The following FAM174A variants were observed in gnomAD, a reference collection of about 807,000 sequenced individuals.
The protein encoded by FAM174A is family with sequence similarity 174 member A.
Under a neutral mutation model 14.3 loss-of-function variants are expected in FAM174A, and 14 were observed. The observed-to-expected ratio is 0.98, with a 90% CI of 0.65 to 1.53. The LOEUF is 1.53. FAM174A is among the 40% of genes most tolerant of loss of function. FAM174A has a pLI of 0.00. For synonymous variants in FAM174A, 108 were observed against 111.4 expected (o/e 0.97, Z 0.19); for missense variants, 241 against 249.6 (o/e 0.97, Z 0.23).
rs1745923859 is a variant in FAM174A at position 100,535,603 on chromosome 5, G to A, written c.73G>A (p.Glu25Lys). Residue 25 changes from glutamate (E) to lysine (K), a missense_variant, in exon 1 of 3, where the codon GAA becomes AAA. Physicochemically the swap from Glu to Lys is moderately conservative, Grantham distance 56. Coordinates refer to ENST00000312637, the MANE Select transcript of FAM174A (RefSeq NM_198507.3). ...CGTCCTCCTCCTGCTGTTGCTGCCT[G>A]AACTAAGCGGGCCCCTGGCAGTCCT... ...ASVLLLLLLP[E>K]LSGPLAVLLQ... 2 of 1,613,182 alleles carry A rather than the reference G, an allele frequency of 1.2e-6. No homozygotes were observed. The highest frequency in any genetic ancestry group is 1.7e-5 in the Admixed American group (1 of 60,008).
intron 2 of FAM174A, among the ~76,000 whole-genome samples, chr5:100,564,703 T>A (rs772290017): frequency 6.6e-6 from 1 of 151,698 alleles, no homozygotes; most frequent in Non-Finnish European, 1.5e-5. Context: ...GAAATTACAA[T>A]GGGTACCTCA....
In FAM174A at chr5:100,546,349, G is replaced by T. The variant is rs188393726; in HGVS notation, c.434+10385G>T. Among the ~76,000 whole-genome samples the T allele has an allele frequency of 3.1e-3, 477 of 152,262 alleles. 1 individual carries two copies. The highest frequency in any genetic ancestry group is 0.011 in the African/African-American group (453 of 41,564). On this transcript the variant is annotated intron_variant, in intron 1 of 2. Transcript: ENST00000312637. ...TGTTTTATTGACCAGTCCTAGTCAT[G>T]AGCCTACTATGGGAAGTGAGTAGGT...
intron 1 of FAM174A, among the ~76,000 whole-genome samples, chr5:100,559,979 C>G (rs568899097): frequency 1.3e-5 from 2 of 152,044 alleles, no homozygotes; most frequent in Non-Finnish European, 1.5e-5. Flanking sequence ...AGCTTTGTTC[C>G]GTTGCTGGTG....
At chr5:100,559,411 G>A (rs1276566636) in intron 1 of FAM174A, among the ~76,000 whole-genome samples, 1 of 152,016 alleles carries the variant, frequency 6.6e-6, no homozygotes, top group Admixed American at 6.6e-5. Context: ...TGGCAGTTAT[G>A]TGTCTTGGAG....
At chr5:100,580,983 CA>C (rs1746999587) in intron 2 of FAM174A, among the ~76,000 whole-genome samples, 1 of 152,262 alleles carries the variant, frequency 6.6e-6, no homozygotes, top group Middle Eastern at 3.4e-3. Flanking sequence ...GGCTGGACTA[CA>C]ATGGCGTGAT....
intron 2 of FAM174A, among the ~76,000 whole-genome samples, chr5:100,562,811 A>T (rs1746556081): frequency 6.6e-6 from 1 of 151,794 alleles, no homozygotes; most frequent in South Asian, 2.1e-4. Flanking sequence ...AAGTGTTAAG[A>T]CCTTTCCTAA....
intron 1 of FAM174A, among the ~76,000 whole-genome samples, chr5:100,552,230 A>G (rs1380598201): frequency 6.6e-6 from 1 of 152,180 alleles, no homozygotes; most frequent in Non-Finnish European, 1.5e-5. Flanking sequence ...TTATTCATTT[A>G]TGTTTCAGCA....
chr5:100,548,186 G>A (rs1306905282), intron 1 of FAM174A, among the ~76,000 whole-genome samples: 1 of 152,008 alleles, frequency 6.6e-6, no homozygotes, highest in Non-Finnish European at 1.5e-5. Flanking sequence ...TTTCATGATT[G>A]GTTTGAATCA....
At chr5:100,539,285 A>G (rs538696207) in intron 1 of FAM174A, among the ~76,000 whole-genome samples, 5 of 152,268 alleles carry the variant, frequency 3.3e-5, no homozygotes, top group African/African-American at 1.2e-4. Context: ...TAACACTTAT[A>G]TACTAGAGGA....
intron 1 of FAM174A, among the ~76,000 whole-genome samples, chr5:100,557,053 C>T (rs936864698): frequency 6.6e-6 from 1 of 152,144 alleles, no homozygotes; most frequent in African/African-American, 2.4e-5. Context: ...AGTTTTTGCC[C>T]ATTCAGTATG....
intron 2 of FAM174A, among the ~76,000 whole-genome samples, chr5:100,579,574 G>T (rs1313679182): frequency 6.6e-6 from 1 of 151,922 alleles, no homozygotes; most frequent in Non-Finnish European, 1.5e-5. Flanking sequence ...ACAGATGCCC[G>T]CCGCCACACC....
chr5:100,581,633 A>T (rs904400119), intron 2 of FAM174A, among the ~76,000 whole-genome samples: 1 of 152,128 alleles, frequency 6.6e-6, no homozygotes, highest in African/African-American at 2.4e-5. Context: ...AATAATTCCA[A>T]TTGGGCATAT....
At chr5:100,572,250 C>CT (rs1222146190) in intron 2 of FAM174A, among the ~76,000 whole-genome samples, 73 of 109,482 alleles carry the variant, frequency 6.7e-4, no homozygotes, top group South Asian at 1.4e-3. Context: ...TTTTTTACGT[C>CT]TTTTTTTTTT....
chr5:100,538,829 G>A (rs1398689946), intron 1 of FAM174A, among the ~76,000 whole-genome samples: 1 of 151,772 alleles, frequency 6.6e-6, no homozygotes, highest in East Asian at 1.9e-4. Context: ...CTTCCTCTCA[G>A]TAGGACATTC....
chr5:100,575,993 C>A (rs1014532635), intron 2 of FAM174A, among the ~76,000 whole-genome samples: 1 of 152,054 alleles, frequency 6.6e-6, no homozygotes, highest in Non-Finnish European at 1.5e-5. Flanking sequence ...AAATTCTATC[C>A]ACAGAATAAC....
intron 2 of FAM174A, among the ~76,000 whole-genome samples, chr5:100,565,276 A>G (rs1394901211): frequency 6.6e-6 from 1 of 151,914 alleles, no homozygotes; most frequent in African/African-American, 2.4e-5. Flanking sequence ...ATTTCAGTAG[A>G]CACAGAAAAA....
chr5:100,573,230 T>C (rs922687150), intron 2 of FAM174A, among the ~76,000 whole-genome samples: 9 of 151,964 alleles, frequency 5.9e-5, no homozygotes, highest in Non-Finnish European at 1.2e-4. Flanking sequence ...GTAGTTTCTT[T>C]TGCTGTGCAG....
At chr5:100,554,939 T>A (rs938973892) in intron 1 of FAM174A, among the ~76,000 whole-genome samples, 4 of 152,268 alleles carry the variant, frequency 2.6e-5, no homozygotes, top group South Asian at 2.1e-4. Context: ...TCTTTTTTTT[T>A]AATTATACTT....
At chr5:100,559,241 T>A (rs1287380764) in intron 1 of FAM174A, among the ~76,000 whole-genome samples, 1 of 152,196 alleles carries the variant, frequency 6.6e-6, no homozygotes, top group Non-Finnish European at 1.5e-5. Context: ...AAAATTCTTT[T>A]CTTTAAGAAT....
Sources: allele counts gnomAD v4.1 joint callset (sites outside exome capture counted in the v4.1 genomes callset), GRCh38; gene constraint gnomAD v4.1.1; transcripts MANE v1.5; gene names NCBI Gene and HGNC (gene_info 2026-07-23, HGNC 2026-07-21).